Variants in SLC14A2 observed in about 807,000 individuals in gnomAD.
SLC14A2 encodes urea transporter 2.
A neutral mutation model predicts 104.6 loss-of-function variants in SLC14A2; 91 were observed. The observed-to-expected ratio is 0.87, with a 90% CI of 0.73 to 1.04. The LOEUF (loss-of-function observed/expected upper bound fraction) is 1.04, where lower values mean the gene tolerates loss of function less well. Ranked by LOEUF, SLC14A2 falls within the 50% of genes least tolerant of loss-of-function variation. The pLI is 0.00. For missense variants in SLC14A2, 1,189 were observed against 1,156.0 expected (o/e 1.03, Z -0.41); for synonymous variants, 476 against 466.4 (o/e 1.02, Z -0.27).
At chr18:45,364,416 G>T (rs748130524) in intron 1 of SLC14A2, among the ~76,000 whole-genome samples, 7 of 152,180 alleles carry the variant, frequency 4.6e-5, no homozygotes, top group Non-Finnish European at 1.0e-4. Flanking sequence ...TACTTCTCTT[G>T]ATCACTGTGA....
intron 1 of SLC14A2, among the ~76,000 whole-genome samples, chr18:45,423,386 G>C (rs1038581626): frequency 1.3e-5 from 2 of 152,220 alleles, no homozygotes; most frequent in Non-Finnish European, 2.9e-5. Flanking sequence ...GTCCTGGGGA[G>C]AGCCCTTTGC....
At chr18:45,380,170 A>G (rs1468066686) in intron 1 of SLC14A2, among the ~76,000 whole-genome samples, 1 of 152,144 alleles carries the variant, frequency 6.6e-6, no homozygotes, top group East Asian at 1.9e-4. Context: ...TGTTTCTTTC[A>G]GTGGTTTGGT....
chr18:45,292,937 G>C (rs963009352), intron 1 of SLC14A2, among the ~76,000 whole-genome samples: 11 of 151,988 alleles, frequency 7.2e-5, no homozygotes, highest in Non-Finnish European at 8.8e-5. Context: ...TGATGTGCAA[G>C]TTCAAAACTT....
At chr18:45,321,974 A>G (rs1158470611) in intron 1 of SLC14A2, among the ~76,000 whole-genome samples, 1 of 152,208 alleles carries the variant, frequency 6.6e-6, no homozygotes. Flanking sequence ...AATGGGGTGG[A>G]GACATGCTGG....
At chr18:45,312,627 TA>T (rs1169209073) in intron 1 of SLC14A2, among the ~76,000 whole-genome samples, 1 of 152,184 alleles carries the variant, frequency 6.6e-6, no homozygotes, top group African/African-American at 2.4e-5. Flanking sequence ...GTTCCCTTCA[TA>T]AATAGTGTGA....
intron 1 of SLC14A2, among the ~76,000 whole-genome samples, chr18:45,396,474 C>G (rs2086031885): frequency 6.6e-6 from 1 of 152,166 alleles, no homozygotes; most frequent in Non-Finnish European, 1.5e-5. Flanking sequence ...CTTGTCAACA[C>G]ATACTTAAAA....
chr18:45,195,270 C>A, the SLC14A2 span, among the ~76,000 whole-genome samples: 2 of 152,126 alleles, frequency 1.3e-5, no homozygotes, highest in African/African-American at 4.8e-5. Context: ...AAAGATGCTC[C>A]AAAAAACATC....
At chr18:45,653,098 C>T (rs2045768158) in intron 10 of SLC14A2, among the ~76,000 whole-genome samples, 1 of 152,048 alleles carries the variant, frequency 6.6e-6, no homozygotes, top group Non-Finnish European at 1.5e-5. Context: ...ACTGAGCCAA[C>T]AGACCAGCCA....
intron 1 of SLC14A2, among the ~76,000 whole-genome samples, chr18:45,380,023 A>C (rs1004999720): frequency 6.6e-5 from 10 of 152,214 alleles, no homozygotes; most frequent in African/African-American, 2.4e-4. Context: ...AAGGATTTGA[A>C]GAGTCAAAAT....
chr18:45,469,166 T>C (rs1012665251), intron 1 of SLC14A2, among the ~76,000 whole-genome samples: 1 of 152,206 alleles, frequency 6.6e-6, no homozygotes, highest in African/African-American at 2.4e-5. Context: ...AGAGATGGTA[T>C]GTGTCCATGG....
intron 11 of SLC14A2, among the ~76,000 whole-genome samples, chr18:45,664,232 C>A (rs2045978118): frequency 6.6e-6 from 1 of 152,192 alleles, no homozygotes; most frequent in Admixed American, 6.5e-5. Context: ...GCTTCTAAAG[C>A]TCTCCAGGAG....
chr18:45,215,690 G>A (rs2084004132), intron 1 of SLC14A2, among the ~76,000 whole-genome samples: 1 of 152,208 alleles, frequency 6.6e-6, no homozygotes, highest in Non-Finnish European at 1.5e-5. Context: ...GACTTCACTG[G>A]TCTAGATAGA....
intron 2 of SLC14A2, among the ~76,000 whole-genome samples, chr18:45,595,406 G>T (rs1045394843): frequency 3.5e-5 from 5 of 143,752 alleles, no homozygotes; most frequent in Middle Eastern, 3.6e-3. Flanking sequence ...ATTTTGCTGG[G>T]TTTTTTTTTT....
At chr18:45,520,049 A>G (rs16978392) in intron 2 of SLC14A2, among the ~76,000 whole-genome samples, 3,716 of 152,310 alleles carry the variant, frequency 0.024, 148 homozygotes, top group African/African-American at 0.084. Flanking sequence ...CTTTGGGCCA[A>G]TGGGCATGTC....
intron 1 of SLC14A2, among the ~76,000 whole-genome samples, chr18:45,247,608 T>C (rs923418186): frequency 6.6e-6 from 1 of 152,182 alleles, no homozygotes; most frequent in Non-Finnish European, 1.5e-5. Context: ...GTGAGATCTG[T>C]CATGCTCTAA....
In SLC14A2 at chr18:45,667,008, G is replaced by A; in HGVS notation, c.1631G>A (p.Ser544Asn). Residue 544 changes from serine to asparagine, a missense_variant, in exon 13 of 20, where the codon AGT becomes AAT. Physicochemically the swap from Ser to Asn is conservative, Grantham distance 46. Transcript: ENST00000255226. The part of the protein sequence containing the change: ...TNISKTSWIR[S>N]SMAASGKRVS... ...ATTTCCAAGACATCCTGGATTCGGA[G>A]TTCCATGGCTGCCAGTGGGAAAAGG... 1.2e-6 allele frequency: 2 copies of A among 1,613,966 alleles called. No homozygotes were observed. The highest frequency in any genetic ancestry group is 1.7e-6 in the Non-Finnish European group (2 of 1,179,828).
At chr18:45,638,726 C>G (rs2045466152) in intron 6 of SLC14A2, among the ~76,000 whole-genome samples, 2 of 152,364 alleles carry the variant, frequency 1.3e-5, no homozygotes, top group Middle Eastern at 6.8e-3. Flanking sequence ...CCTGTCCTCA[C>G]AGAGGTCATG....
intron 2 of SLC14A2, among the ~76,000 whole-genome samples, chr18:45,523,812 T>A (rs2043552517): frequency 6.6e-6 from 1 of 152,194 alleles, no homozygotes; most frequent in African/African-American, 2.4e-5. Flanking sequence ...TCCCAGGTCG[T>A]CCAGATCTCT....
intron 1 of SLC14A2, among the ~76,000 whole-genome samples, chr18:45,405,576 T>C (rs2086145085): frequency 6.6e-6 from 1 of 152,162 alleles, no homozygotes; most frequent in Non-Finnish European, 1.5e-5. Context: ...AAGATGTACA[T>C]ACCTTAATTT....
Sources: gnomAD v4.1 joint callset for allele counts (sites outside exome capture counted in the v4.1 genomes callset) on GRCh38, gnomAD v4.1.1 for gene constraint, MANE v1.5 for transcripts, NCBI Gene and HGNC (gene_info 2026-07-23, HGNC 2026-07-21) for gene names.